AHNAK: variants seen among roughly 807,000 people sequenced by gnomAD.
AHNAK encodes AHNAK nucleoprotein.
In AHNAK, 23 loss-of-function variants were observed where a neutral mutation model predicts 37.8. That is an observed-to-expected ratio of 0.61 (90% confidence interval 0.44 to 0.86). AHNAK has a LOEUF of 0.86. Ranked by LOEUF, AHNAK falls within the 40% of genes least tolerant of loss-of-function variation. The pLI is 0.00. For synonymous variants in AHNAK, 2,481 were observed against 2,636.3 expected (o/e 0.94, Z 1.80); for missense variants, 7,411 against 7,319.4 (o/e 1.01, Z -0.46).
rs1218347678 is a variant in AHNAK, at chr11:62,521,832, C to G, written c.12585G>C (p.Lys4195Asn). ...HLKMPKVKMP[K>N]FSMPGFKGEG... ...CTCCTTTGAAGCCAGGCATGCTGAA[C>G]TTGGGCATTTTCACTTTGGGCATTT... The change falls in exon 5 of 5, where the codon AAG (lysine) becomes AAC (asparagine). Residue 4195 changes from lysine (K) to asparagine (N), a missense_variant. Lys to Asn is a moderately conservative substitution (Grantham distance 94). Coordinates refer to ENST00000378024, the MANE Select transcript of AHNAK (RefSeq NM_001620.3). 1.9e-6 allele frequency: 3 copies of G among 1,608,784 alleles called. No individual in the cohort carries two copies. The highest frequency in any genetic ancestry group is 1.1e-5 in the South Asian group (1 of 90,852).
At chr11:62,467,013 T>G (rs1938925522) in intron 5 of AHNAK, among the ~76,000 whole-genome samples, 1 of 152,216 alleles carries the variant, frequency 6.6e-6, no homozygotes, top group Non-Finnish European at 1.5e-5. Flanking sequence ...CCTAGATCAT[T>G]CCTTGCAGCT....
In AHNAK at chr11:62,520,884, A is replaced by C. The variant is rs1456504179; in HGVS notation, c.13533T>G (p.Asp4511Glu). 3.7e-6 allele frequency: 6 copies of C among 1,614,050 alleles called. No individual in the cohort carries two copies. The highest frequency in any genetic ancestry group is 5.1e-6 in the Non-Finnish European group (6 of 1,180,042). The stretch of plus-strand genomic sequence containing the variant: ...AGATTTGTGGGCTTTTGAAATGTAC[A>C]TCAGGCATCTTAAACTTGGGACCTT... ...KLKGPKFKMP[D>E]VHFKSPQISM... Residue 4511 changes from aspartate to glutamate, a missense_variant, in exon 5 of 5, where the codon GAT becomes GAG. By Grantham distance (45) the Asp-to-Glu change is conservative. Coordinates refer to ENST00000378024, the MANE Select transcript of AHNAK (RefSeq NM_001620.3).
intron 1 of AHNAK, among the ~76,000 whole-genome samples, chr11:62,536,858 G>A (rs186127826): frequency 6.6e-6 from 1 of 152,292 alleles, no homozygotes; most frequent in Non-Finnish European, 1.5e-5. Context: ...TGAAAATGGA[G>A]GCAATAAAGG....
At chr11:62,510,200 C>T (rs1939884500) in intron 4 of AHNAK, among the ~76,000 whole-genome samples, 1 of 151,776 alleles carries the variant, frequency 6.6e-6, no homozygotes, top group Non-Finnish European at 1.5e-5. Flanking sequence ...GCTGCCACCA[C>T]ACCCGGCTAA....
At chr11:62,474,097 T>C (rs1939095364) in intron 5 of AHNAK, among the ~76,000 whole-genome samples, 1 of 151,250 alleles carries the variant, frequency 6.6e-6, no homozygotes, top group African/African-American at 2.4e-5. Flanking sequence ...CAATCAAAAA[T>C]AATAGTAATA....
At chr11:62,486,201 A>G (rs1366928047) in intron 5 of AHNAK, among the ~76,000 whole-genome samples, 3 of 151,676 alleles carry the variant, frequency 2.0e-5, no homozygotes, top group African/African-American at 7.3e-5. Flanking sequence ...GCAGCCAGGC[A>G]TGGTGGCTCA....
At chr11:62,496,640 CA>C (rs911591989) in intron 4 of AHNAK, among the ~76,000 whole-genome samples, 14 of 151,974 alleles carry the variant, frequency 9.2e-5, no homozygotes, top group Admixed American at 2.6e-4. Flanking sequence ...ACTAAAAGTA[CA>C]AAAGTTAGCC....
chr11:62,493,747 AG>A (rs903872961), intron 4 of AHNAK, among the ~76,000 whole-genome samples: 5 of 152,040 alleles, frequency 3.3e-5, no homozygotes, highest in Admixed American at 1.3e-4. Context: ...TTAGGATTAC[AG>A]GTGTGACCCA....
intron 5 of AHNAK, among the ~76,000 whole-genome samples, chr11:62,490,571 T>A (rs1939487996): frequency 6.6e-6 from 1 of 151,886 alleles, no homozygotes. Flanking sequence ...CCCCAGGCTA[T>A]GGGTGGAGCG....
At chr11:62,452,374 G>C (rs573888032) in intron 5 of AHNAK, among the ~76,000 whole-genome samples, 2 of 152,152 alleles carry the variant, frequency 1.3e-5, no homozygotes, top group South Asian at 2.1e-4. Context: ...TCTGGAACTC[G>C]TGCTACTCAG....
At chr11:62,470,706 C>T (rs1390785097) in intron 5 of AHNAK, among the ~76,000 whole-genome samples, 3 of 152,008 alleles carry the variant, frequency 2.0e-5, no homozygotes, top group Non-Finnish European at 4.4e-5. Flanking sequence ...TTAAAGAGTC[C>T]GACAGTGATC....
In AHNAK at chr11:62,531,831, A is replaced by T. The variant is rs144585773; in HGVS notation, c.2586T>A (p.Asp862Glu). 6.1e-5 allele frequency: 98 copies of T among 1,613,480 alleles called. 1 individual carries two copies. The African/African-American group carries it at 1.2e-3, about 19-fold the overall frequency. ...VELKSAKMDIDVPDVEVQGPD... is the reference protein window; with the variant it reads ...VELKSAKMDIEVPDVEVQGPD... ...GGCCTTGAACCTCCACATCTGGGAC[A>T]TCAATGTCCATTTTGGCACTTTTAA... The change falls in exon 5 of 5, where the codon GAT becomes GAA. Residue 862 changes from aspartate to glutamate, a missense_variant. Asp to Glu is a conservative substitution (Grantham distance 45). Coordinates refer to ENST00000378024, the MANE Select transcript of AHNAK (RefSeq NM_001620.3).
chr11:62,455,311 C>T lies in AHNAK; in HGVS notation c.443-21420G>A, dbSNP rs561921757. ...TCAGGACACTTAAAGGAATTGGCCCCCTTAAGAGAGTCTCCTGATCCCATG... is the reference window on the plus strand; with the variant it reads ...TCAGGACACTTAAAGGAATTGGCCCTCTTAAGAGAGTCTCCTGATCCCATG... On this transcript the variant is annotated intron_variant, in intron 5 of 5. Transcript: ENST00000257247. Among the ~76,000 whole-genome samples, 3 of 152,194 alleles carry T rather than the reference C, an allele frequency of 2.0e-5. No individual in the cohort carries two copies. The South Asian group carries it at 6.2e-4, about 32-fold the overall frequency.
chr11:62,516,314 G>A lies in AHNAK; in HGVS notation c.*430C>T, dbSNP rs1472776798. On this transcript the variant is annotated 3_prime_UTR_variant, in exon 5 of 5. Coordinates refer to ENST00000378024, the MANE Select transcript of AHNAK (RefSeq NM_001620.3). Reference sequence around the variant, plus strand: ...CAGGAAAGAGGAAGACCTGACCTCCGTCTGCAACCCATCACCCCACCCACC... The same window carrying A: ...CAGGAAAGAGGAAGACCTGACCTCCATCTGCAACCCATCACCCCACCCACC... 6 of 1,289,296 alleles carry A rather than the reference G, an allele frequency of 4.7e-6. No individual in the cohort carries two copies. The highest frequency in any genetic ancestry group is 3.7e-5 in the South Asian group (3 of 81,014). 79.9% of individuals were successfully genotyped at this position (1,289,296 alleles called of 1,614,324 possible).
At chr11:62,509,550 C>CA (rs1012430323) in intron 4 of AHNAK, among the ~76,000 whole-genome samples, 22 of 140,892 alleles carry the variant, frequency 1.6e-4, no homozygotes, top group African/African-American at 3.9e-4. Flanking sequence ...AACTCCGTCT[C>CA]AAAAAAAAAA....
At chr11:62,542,499 C>T (rs1941161324) in intron 1 of AHNAK, among the ~76,000 whole-genome samples, 1 of 152,054 alleles carries the variant, frequency 6.6e-6, no homozygotes, top group African/African-American at 2.4e-5. Context: ...GCCCTTACAC[C>T]CCAACCTCAG....
At chr11:62,440,445 A>T (rs1394905766) in intron 5 of AHNAK, among the ~76,000 whole-genome samples, 1 of 152,058 alleles carries the variant, frequency 6.6e-6, no homozygotes, top group Non-Finnish European at 1.5e-5. Context: ...CCCATTCCAG[A>T]AACAACCCGT....
chr11:62,439,088 T>A (rs1938242214), intron 5 of AHNAK, among the ~76,000 whole-genome samples: 2 of 112,586 alleles, frequency 1.8e-5, no homozygotes, highest in African/African-American at 6.3e-5. Flanking sequence ...TCAGTTTCCC[T>A]ATTTTTTTTT....
chr11:62,545,954 C>T (rs1362595091), intron 1 of AHNAK: 2 of 152,276 alleles, frequency 1.3e-5, no homozygotes, highest in African/African-American at 4.8e-5. Context: ...CCCACCTCAG[C>T]ATAGGAATCT....
Sources: gnomAD v4.1 joint callset for allele counts (sites outside exome capture counted in the v4.1 genomes callset) on GRCh38, gnomAD v4.1.1 for gene constraint, MANE v1.5 for transcripts, NCBI Gene and HGNC (gene_info 2026-07-23, HGNC 2026-07-21) for gene names.